The following GMEB2 variants were observed in gnomAD, a reference collection of about 807,000 sequenced individuals.
The protein encoded by GMEB2 is glucocorticoid modulatory element-binding protein 2.
Under a neutral mutation model 45.7 loss-of-function variants are expected in GMEB2, and 7 were observed. The observed-to-expected ratio is 0.15, with a 90% confidence interval of 0.09 to 0.29. The LOEUF is 0.29. GMEB2 is among the 10% of genes least tolerant of loss of function. The pLI, the probability that GMEB2 is intolerant of heterozygous loss-of-function variation, is 1.00. For missense variants in GMEB2, 582 were observed against 739.2 expected (o/e 0.79, Z 2.47); for synonymous variants, 322 against 323.6 (o/e 1.00, Z 0.05).
chr20:63,614,352 G>A (rs954927334), intron 2 of GMEB2, among the ~76,000 whole-genome samples: 2 of 152,194 alleles, frequency 1.3e-5, no homozygotes, highest in African/African-American at 4.8e-5. Flanking sequence ...CTGACCAGAA[G>A]ACAAGAGTGC....
At chr20:63,605,457 C>T (rs564695942) in intron 2 of GMEB2, among the ~76,000 whole-genome samples, 11 of 148,618 alleles carry the variant, frequency 7.4e-5, no homozygotes, top group African/African-American at 2.2e-4. Flanking sequence ...CACTTGAACC[C>T]GAGAGGTGTG....
intron 4 of GMEB2, among the ~76,000 whole-genome samples, chr20:63,598,341 C>G (rs1017009845): frequency 8.2e-6 from 1 of 121,982 alleles, no homozygotes; most frequent in Admixed American, 9.5e-5. Context: ...TGCTCTCACT[C>G]TGACACACAC....
Position 63,590,466 on chromosome 20 carries a change from G to A in GMEB2, c.1216C>T (p.Pro406Ser), listed in dbSNP as rs1320411562. The part of the protein sequence containing the change: ...VPLGKVVSTL[P>S]STVLGKGSLQ... ...GAACCCTTGCCCAGGACGGTGGACGGCAGGGTGGACACCACTTTACCAAGG... is the reference window on the plus strand; with the variant it reads ...GAACCCTTGCCCAGGACGGTGGACGACAGGGTGGACACCACTTTACCAAGG... Residue 406 changes from proline (P) to serine (S), a missense_variant, in exon 10 of 10, where the codon CCG (proline) becomes TCG (serine). Pro to Ser is a moderately conservative substitution (Grantham distance 74). Coordinates refer to ENST00000370077, the MANE Select transcript of GMEB2 (RefSeq NM_012384.5). 2.6e-6 allele frequency: 4 copies of A among 1,513,098 alleles called. No homozygotes were observed. The highest frequency in any genetic ancestry group is 3.6e-6 in the Non-Finnish European group (4 of 1,124,764). The allele number at this position is 1,513,098 out of a possible 1,614,324, so 93.7% of individuals were successfully genotyped here.
rs142928045 is a variant in GMEB2 at position 63,591,071 on chromosome 20, G to A, written c.953-342C>T. ...CGTGGAAATGCCGTCTCAGATCCCC[G>A]CATGAGCTTTCACACACCCAGCGTG... On this transcript the variant is annotated intron_variant, in intron 9 of 9. Transcript: ENST00000370077. Among the ~76,000 whole-genome samples, 69 of 152,302 alleles carry A rather than the reference G, an allele frequency of 4.5e-4. 1 individual carries two copies. The highest frequency in any genetic ancestry group is 5.9e-4 in the Admixed American group (9 of 15,302).
chr20:63,625,058 A>C (rs1384975193), intron 1 of GMEB2, among the ~76,000 whole-genome samples: 1 of 152,174 alleles, frequency 6.6e-6, no homozygotes, highest in Admixed American at 6.5e-5. Context: ...AAGTTACCTC[A>C]CAGAAAATAG....
chr20:63,607,192 C>A (rs958346239), intron 2 of GMEB2, among the ~76,000 whole-genome samples: 3 of 134,570 alleles, frequency 2.2e-5, no homozygotes, highest in African/African-American at 8.4e-5. Flanking sequence ...CAGAAACATG[C>A]CCCTCTGACC....
chr20:63,590,705 T>C lies in GMEB2; in HGVS notation c.977A>G (p.His326Arg). Residue 326 changes from histidine to arginine, a missense_variant, in exon 10 of 10, where the codon CAT becomes CGT. By Grantham distance (29) the His-to-Arg change is conservative. Coordinates refer to ENST00000370077, the MANE Select transcript of GMEB2 (RefSeq NM_012384.5). ...CTTCAGCTCCTTGGCTCGGCGACGA[T>C]GCTCATCACACTGCTGCTCCAGGGC... ...LAALEQQCDEHRRRAKELKHK... is the reference protein window; with the variant it reads ...LAALEQQCDERRRRAKELKHK... 5.3e-6 allele frequency: 8 copies of C among 1,520,572 alleles called. No homozygotes were observed. The highest frequency in any genetic ancestry group is 7.1e-6 in the Non-Finnish European group (8 of 1,129,494). The allele number at this position is 1,520,572 out of a possible 1,614,324, so 94.2% of individuals were successfully genotyped here. A position where few individuals can be genotyped will look rare whatever the true frequency, so the allele number is the denominator to read the frequency against.
At chr20:63,621,153 C>T (rs1036122459) in intron 1 of GMEB2, among the ~76,000 whole-genome samples, 1 of 152,180 alleles carries the variant, frequency 6.6e-6, no homozygotes, top group Non-Finnish European at 1.5e-5. Context: ...GCTGTGATCA[C>T]ACCACCGCAC....
chr20:63,602,331 C>T (rs957036762), intron 4 of GMEB2, among the ~76,000 whole-genome samples: 3 of 152,104 alleles, frequency 2.0e-5, no homozygotes, highest in Non-Finnish European at 4.4e-5. Context: ...CTTGGAGGTG[C>T]CAGCTTTGGA....
chr20:63,589,261 G>C lies in GMEB2; in HGVS notation c.*828C>G. On this transcript the variant is annotated 3_prime_UTR_variant, in exon 10 of 10. Transcript: ENST00000370077. The stretch of plus-strand genomic sequence containing the variant: ...GCCCAGGACCTCCGCACCCGGTCAA[G>C]TGCACTCACAGGGGCTCAGGGGCCA... The C allele has an allele frequency of 5.0e-6, 2 of 398,790 alleles. No individual in the cohort carries two copies. The allele number at this position is 398,790 out of a possible 1,614,324, so 24.7% of individuals were successfully genotyped here.
chr20:63,614,773 GTC>G (rs532008725), intron 2 of GMEB2, among the ~76,000 whole-genome samples: 4 of 151,656 alleles, frequency 2.6e-5, no homozygotes, highest in Non-Finnish European at 4.4e-5. Context: ...GGCGTAAGCG[GTC>G]TCTCTCTCTC....
At chr20:63,598,059 G>A (rs1331232895) in intron 4 of GMEB2, among the ~76,000 whole-genome samples, 199 bp from the exon 5 acceptor site, 1 of 152,192 alleles carries the variant, frequency 6.6e-6, no homozygotes, top group Non-Finnish European at 1.5e-5. Context: ...GTGGGGAGTG[G>A]TGTCTCCTCC....
intron 1 of GMEB2, among the ~76,000 whole-genome samples, chr20:63,625,663 TCTC>T (rs2089666248): frequency 6.6e-6 from 1 of 151,916 alleles, no homozygotes; most frequent in African/African-American, 2.4e-5. Flanking sequence ...AATGGCACCA[TCTC>T]CACTCACTGC....
intron 1 of GMEB2, among the ~76,000 whole-genome samples, chr20:63,623,192 A>G (rs1456141223): frequency 6.6e-6 from 1 of 152,224 alleles, no homozygotes; most frequent in Non-Finnish European, 1.5e-5. Context: ...TTTACAAATT[A>G]AGAACATCCT....
intron 1 of GMEB2, among the ~76,000 whole-genome samples, chr20:63,620,882 A>G (rs2089639073): frequency 6.6e-6 from 1 of 152,222 alleles, no homozygotes; most frequent in Non-Finnish European, 1.5e-5. Flanking sequence ...TCTCAAAGGA[A>G]CAAATACACA....
Position 63,590,229 on chromosome 20 carries a change from G to A in GMEB2, c.1453C>T (p.Pro485Ser), listed in dbSNP as rs749849967. ...LQLLTLPGLG[P>S]TLQNVAQASP... ...GCCTGGGCCACGTTCTGCAGGGTGG[G>A]GCCCAGGCCAGGCAACGTGAGCAGC... Residue 485 changes from proline to serine, a missense_variant, in exon 10 of 10, where the codon CCC (proline) becomes TCC (serine). Physicochemically the swap from Pro to Ser is moderately conservative, Grantham distance 74. Transcript: ENST00000370077. 1.9e-6 allele frequency: 3 copies of A among 1,611,388 alleles called. No homozygotes were observed. The highest frequency in any genetic ancestry group is 2.5e-6 in the Non-Finnish European group (3 of 1,179,580).
At chr20:63,624,851 G>A (rs2089660480) in intron 1 of GMEB2, among the ~76,000 whole-genome samples, 1 of 152,004 alleles carries the variant, frequency 6.6e-6, no homozygotes, top group Admixed American at 6.6e-5. Flanking sequence ...GGGATTACAG[G>A]CGCCCACCAC....
At chr20:63,615,718 C>G (rs1248827379) in intron 2 of GMEB2, among the ~76,000 whole-genome samples, 1 of 152,110 alleles carries the variant, frequency 6.6e-6, no homozygotes, top group African/African-American at 2.4e-5. Flanking sequence ...AAAGCCAAAC[C>G]AGAATGGAAG....
intron 3 of GMEB2, among the ~76,000 whole-genome samples, chr20:63,603,918 G>A (rs2089497337): frequency 6.6e-6 from 1 of 151,964 alleles, no homozygotes; most frequent in African/African-American, 2.4e-5. Context: ...GCTGGGCATG[G>A]TGGCATGTGC....
Sources: gnomAD v4.1 joint callset for allele counts (sites outside exome capture counted in the v4.1 genomes callset) on GRCh38, gnomAD v4.1.1 for gene constraint, MANE v1.5 for transcripts, NCBI Gene and HGNC (gene_info 2026-07-23, HGNC 2026-07-21) for gene names.